The following FHL5 variants were observed in gnomAD, a reference collection of about 807,000 sequenced individuals.
FHL5 encodes four and a half LIM domains protein 5.
A neutral mutation model predicts 32.0 loss-of-function variants in FHL5; 33 were observed. That is an observed-to-expected ratio of 1.03 (90% CI 0.78 to 1.38). FHL5 has a LOEUF of 1.38. Ranked by LOEUF, FHL5 falls within the 40% of genes most tolerant of loss-of-function variation. The pLI is 0.00. For missense variants in FHL5, 336 were observed against 343.9 expected, an observed-to-expected ratio of 0.98 and a Z score of 0.18; for synonymous variants, 114 against 113.6, an observed-to-expected ratio of 1.00 and a Z score of -0.02.
rs552980625 is a variant in FHL5, at chr6:96,567,041, C to T, written c.-13+3686C>T. The stretch of plus-strand genomic sequence containing the variant: ...CTTTGGTTGTCTGTGCTATTGAGGT[C>T]TTATCCATGAAATTTTTGCTCACAC... On this transcript the variant is annotated intron_variant, in intron 1 of 5. Coordinates refer to ENST00000450218, the MANE Select transcript of FHL5 (RefSeq NM_001322466.2). 5.3e-5 allele frequency among the ~76,000 whole-genome samples: 8 copies of T among 151,836 alleles called. No individual in the cohort carries two copies. The South Asian group carries it at 1.5e-3, about 28-fold the overall frequency.
At chr6:96,577,366 C>CA (rs1468734296) in intron 1 of FHL5, among the ~76,000 whole-genome samples, 1 of 151,846 alleles carries the variant, frequency 6.6e-6, no homozygotes, top group Non-Finnish European at 1.5e-5. Flanking sequence ...CCAACTCAAA[C>CA]ACCCCCCCAA....
At chr6:96,571,766 C>T (rs554507903) in intron 1 of FHL5, among the ~76,000 whole-genome samples, 2 of 152,182 alleles carry the variant, frequency 1.3e-5, no homozygotes, top group East Asian at 1.9e-4. Context: ...GGTATGGCTG[C>T]AATTCAGAAA....
chr6:96,612,510 C>T (rs1771432073), intron 5 of FHL5, among the ~76,000 whole-genome samples: 1 of 152,148 alleles, frequency 6.6e-6, no homozygotes, highest in Non-Finnish European at 1.5e-5. Flanking sequence ...TGGTATATCA[C>T]AGATTCATGT....
intron 2 of FHL5, 29 bp from the exon 3 acceptor site, chr6:96,604,721 T>C: frequency 2.5e-6 from 4 of 1,575,312 alleles, no homozygotes; most frequent in Non-Finnish European, 3.5e-6. Context: ...ACAACCACAT[T>C]TAATTAACTT....
chr6:96,599,619 G>A (rs527270147), intron 1 of FHL5, among the ~76,000 whole-genome samples: 1 of 152,250 alleles, frequency 6.6e-6, no homozygotes, highest in South Asian at 2.1e-4. Context: ...TCTTCATTAT[G>A]TTCTTTGATA....
chr6:96,603,928 T>A (rs1771212711), intron 2 of FHL5, among the ~76,000 whole-genome samples, 156 bp downstream of exon 2: 1 of 152,188 alleles, frequency 6.6e-6, no homozygotes, highest in Non-Finnish European at 1.5e-5. Flanking sequence ...CTCCAGCCAC[T>A]ACACTTAGCA....
intron 1 of FHL5, among the ~76,000 whole-genome samples, chr6:96,577,369 C>G (rs551281181): frequency 2.0e-5 from 3 of 151,698 alleles, no homozygotes; most frequent in African/African-American, 7.3e-5. Flanking sequence ...ACTCAAACAC[C>G]CCCCCAACAC....
At chr6:96,584,441 G>GTGTGTGTGTGTGTGTGTT (rs763202160) in intron 1 of FHL5, among the ~76,000 whole-genome samples, 13 of 106,958 alleles carry the variant, frequency 1.2e-4, no homozygotes, top group African/African-American at 5.2e-4. Flanking sequence ...GGATATGTGT[G>GTGTGTGTGTGTGTGTGTT]TGTGTGTGTG....
At chr6:96,568,185 G>C (rs1207991766) in intron 1 of FHL5, among the ~76,000 whole-genome samples, 1 of 151,678 alleles carries the variant, frequency 6.6e-6, no homozygotes, top group Admixed American at 6.6e-5. Flanking sequence ...TTATCATGAG[G>C]GGATGTTGAA....
intron 1 of FHL5, among the ~76,000 whole-genome samples, chr6:96,598,435 T>C (rs1292483185): frequency 6.6e-6 from 1 of 152,168 alleles, no homozygotes; most frequent in South Asian, 2.1e-4. Flanking sequence ...TAAAACCAAG[T>C]TTGGGAAGGC....
At chr6:96,587,402 T>G (rs1225244594) in intron 1 of FHL5, among the ~76,000 whole-genome samples, 1 of 152,208 alleles carries the variant, frequency 6.6e-6, no homozygotes, top group Non-Finnish European at 1.5e-5. Flanking sequence ...AGACTACATT[T>G]ACATGGTTAA....
chr6:96,603,658 T>C lies in FHL5; in HGVS notation c.45T>C (p.Leu15=), dbSNP rs942699290. ...ACTGTCAATACTGCACAGCATCACT[T>C]CTTGGGAAGAAATATGTACTAAAGG... ...HFYCQYCTAS[L]LGKKYVLKDD... The change falls in exon 2 of 6, where the codon CTT becomes CTC. Residue 15 remains leucine (L), a synonymous_variant. Transcript: ENST00000450218. 1.9e-6 allele frequency: 3 copies of C among 1,613,146 alleles called. No homozygotes were observed. The African/African-American group carries it at 4.0e-5, about 22-fold the overall frequency.
intron 1 of FHL5, among the ~76,000 whole-genome samples, chr6:96,575,257 A>T (rs756058288): frequency 4.4e-4 from 67 of 152,228 alleles, no homozygotes; most frequent in Admixed American, 7.9e-4. Context: ...GCTTTATTGT[A>T]ACATTTGTTT....
At chr6:96,614,640 C>A (rs999039625) in intron 5 of FHL5, among the ~76,000 whole-genome samples, 1 of 152,084 alleles carries the variant, frequency 6.6e-6, no homozygotes, top group African/African-American at 2.4e-5. Context: ...GGATGATAAG[C>A]AAATAATAGC....
Position 96,616,164 on chromosome 6 carries a change from T to C in FHL5, c.*392T>C, listed in dbSNP as rs1336934914. ...CTGAGAGGTATACATGAGGCTAGTG[T>C]TTGCATTCCTGGTTATATGTAATGT... On this transcript the variant is annotated 3_prime_UTR_variant, in exon 6 of 6. Transcript: ENST00000450218. 1.9e-5 allele frequency: 3 copies of C among 154,066 alleles called. No individual in the cohort carries two copies. Among genetic ancestry groups the C allele is most frequent in the East Asian group, 1.9e-4 (1 of 5,282 alleles). 9.5% of individuals were successfully genotyped at this position (154,066 alleles called of 1,614,324 possible).
rs1447762832 is a variant in FHL5 at position 96,616,993 on chromosome 6, G to A, written c.*1221G>A. Among the ~76,000 whole-genome samples, 1 of 151,972 alleles carries A rather than the reference G, an allele frequency of 6.6e-6. No homozygotes were observed. The highest frequency in any genetic ancestry group is 1.9e-4 in the East Asian group (1 of 5,168). On this transcript the variant is annotated 3_prime_UTR_variant, in exon 6 of 6. Coordinates refer to ENST00000450218, the MANE Select transcript of FHL5 (RefSeq NM_001322466.2). The stretch of plus-strand genomic sequence containing the variant: ...TCAATCTCCTGCATAACCAGGAGGT[G>A]CACTCCTAACCCTAAGCAACTGTCC...
At chr6:96,583,708 A>G (rs776817116) in intron 1 of FHL5, among the ~76,000 whole-genome samples, 1 of 152,104 alleles carries the variant, frequency 6.6e-6, no homozygotes, top group Non-Finnish European at 1.5e-5. Flanking sequence ...TCAAAGGGCA[A>G]TTGAATATCA....
rs1173569533 is a variant in FHL5, at chr6:96,615,937, A to C, written c.*165A>C. On this transcript the variant is annotated 3_prime_UTR_variant, in exon 6 of 6. Transcript: ENST00000450218. ...ATCGAACTATATTCTAAGCACACAA[A>C]AAGCACAGTAGAACAGAAATGAATA... is the stretch of plus-strand genomic sequence containing the variant. The C allele has an allele frequency of 1.9e-6, 1 of 521,306 alleles. No individual in the cohort carries two copies. Among genetic ancestry groups the C allele is most frequent in the Non-Finnish European group, 3.3e-6 (1 of 303,074 alleles). The allele number at this position is 521,306 out of a possible 1,614,324, so 32.3% of individuals were successfully genotyped here.
At chr6:96,577,168 C>G (rs1011393254) in intron 1 of FHL5, among the ~76,000 whole-genome samples, 1 of 152,178 alleles carries the variant, frequency 6.6e-6, no homozygotes, top group Non-Finnish European at 1.5e-5. Flanking sequence ...CTCCCACCAC[C>G]AACATCATCA....
Sources: allele counts gnomAD v4.1 joint callset (sites outside exome capture counted in the v4.1 genomes callset), GRCh38; gene constraint gnomAD v4.1.1; transcripts MANE v1.5; gene names NCBI Gene and HGNC (gene_info 2026-07-23, HGNC 2026-07-21).